ANKIB1: variants seen among roughly 807,000 people sequenced by gnomAD.
The protein encoded by ANKIB1 is ankyrin repeat and IBR domain-containing protein 1.
A neutral mutation model predicts 122.1 loss-of-function variants in ANKIB1; 43 were observed. The ratio of observed to expected loss-of-function variants is 0.35; its 90% CI spans 0.28 to 0.45. The LOEUF (loss-of-function observed/expected upper bound fraction) is 0.45. ANKIB1 is among the 20% of genes least tolerant of loss of function. The probability of loss-of-function intolerance (pLI) is 1.00; values close to 1 mark genes in which losing one functional copy is unlikely to be tolerated. For missense variants in ANKIB1, 992 were observed against 1,329.5 expected (o/e 0.75, Z 3.95); for synonymous variants, 390 against 442.0 (o/e 0.88, Z 1.48).
intron 5 of ANKIB1, among the ~76,000 whole-genome samples, chr7:92,331,902 G>C (rs558842835): frequency 1.3e-5 from 2 of 149,016 alleles, no homozygotes; most frequent in African/African-American, 5.0e-5. Flanking sequence ...TTAAGCTATA[G>C]TATCATATAG....
At chr7:92,309,942 A>AAAAAAAAAAAAAAAAAT (rs1335765681) in intron 3 of ANKIB1, among the ~76,000 whole-genome samples, 2 of 91,816 alleles carry the variant, frequency 2.2e-5, no homozygotes, top group Non-Finnish European at 4.1e-5. Flanking sequence ...AAAAAAAAAA[A>AAAAAAAAAAAAAAAAAT]ATATATATAT....
chr7:92,253,933 C>A (rs924771835), intron 1 of ANKIB1, among the ~76,000 whole-genome samples: 3 of 152,148 alleles, frequency 2.0e-5, no homozygotes, highest in Admixed American at 6.5e-5. Flanking sequence ...GGCCTTGTGA[C>A]TTACTTTGAC....
intron 3 of ANKIB1, among the ~76,000 whole-genome samples, chr7:92,316,695 C>T (rs1162632906): frequency 6.6e-6 from 1 of 152,152 alleles, no homozygotes; most frequent in Non-Finnish European, 1.5e-5. Flanking sequence ...CAGCAGTTAC[C>T]TTCAACGATG....
intron 3 of ANKIB1, among the ~76,000 whole-genome samples, chr7:92,314,713 A>G (rs1213086574): frequency 6.6e-6 from 1 of 152,216 alleles, no homozygotes; most frequent in Non-Finnish European, 1.5e-5. Flanking sequence ...ATTCTTACAC[A>G]GTTTGAAAAC....
At chr7:92,361,690 G>C (rs917647588) in intron 9 of ANKIB1, among the ~76,000 whole-genome samples, 1 of 151,732 alleles carries the variant, frequency 6.6e-6, no homozygotes, top group African/African-American at 2.4e-5. Flanking sequence ...AATAAAACTG[G>C]TCTAATGGTA....
chr7:92,268,994 A>T (rs1047630591), intron 1 of ANKIB1, among the ~76,000 whole-genome samples: 2 of 152,254 alleles, frequency 1.3e-5, no homozygotes, highest in African/African-American at 2.4e-5. Context: ...TCATGAGAAG[A>T]TACTTTTGCA....
intron 10 of ANKIB1, among the ~76,000 whole-genome samples, chr7:92,364,018 A>AT (rs1316485087): frequency 2.0e-5 from 3 of 152,166 alleles, no homozygotes; most frequent in South Asian, 2.1e-4. Context: ...TAGTCAACAG[A>AT]TTTTTTAAGC....
chr7:92,327,255 A>G (rs911522424), intron 4 of ANKIB1, among the ~76,000 whole-genome samples: 1 of 152,234 alleles, frequency 6.6e-6, no homozygotes, highest in African/African-American at 2.4e-5. Flanking sequence ...TGCAGCATGA[A>G]AGAGACTTGT....
chr7:92,315,167 G>A (rs753452313), intron 3 of ANKIB1, among the ~76,000 whole-genome samples: 11 of 152,188 alleles, frequency 7.2e-5, no homozygotes, highest in Non-Finnish European at 1.5e-4. Flanking sequence ...AGATGGGCAT[G>A]ATTTTGAGCC....
intron 1 of ANKIB1, among the ~76,000 whole-genome samples, chr7:92,286,934 G>T (rs1802142787): frequency 6.6e-6 from 1 of 152,126 alleles, no homozygotes; most frequent in Non-Finnish European, 1.5e-5. Context: ...CTACAGTCCT[G>T]GTACAAGAAC....
At chr7:92,336,849 T>C (rs1028344596) in intron 5 of ANKIB1, among the ~76,000 whole-genome samples, 1 of 152,164 alleles carries the variant, frequency 6.6e-6, no homozygotes, top group African/African-American at 2.4e-5. Flanking sequence ...GGTTGCTCTC[T>C]AGTGTCCTCA....
chr7:92,330,739 G>A (rs1029425965), intron 5 of ANKIB1, among the ~76,000 whole-genome samples: 1 of 152,144 alleles, frequency 6.6e-6, no homozygotes, highest in African/African-American at 2.4e-5. Context: ...CTACTTAGGA[G>A]GCTGAGGCAG....
At chr7:92,334,544 ATAAAT>A (rs968329411) in intron 5 of ANKIB1, among the ~76,000 whole-genome samples, 26 of 152,136 alleles carry the variant, frequency 1.7e-4, no homozygotes, top group East Asian at 7.7e-4. Flanking sequence ...AAATAGTAAA[ATAAAT>A]TAAGAGAAGA....
At chr7:92,360,194 G>C (rs1178044131) in intron 9 of ANKIB1, among the ~76,000 whole-genome samples, 1 of 151,872 alleles carries the variant, frequency 6.6e-6, no homozygotes, top group Non-Finnish European at 1.5e-5. Context: ...ATTATCCCAA[G>C]CAGAAACTAT....
chr7:92,252,854 C>T (rs982197669), intron 1 of ANKIB1, among the ~76,000 whole-genome samples: 8 of 151,606 alleles, frequency 5.3e-5, no homozygotes, highest in Middle Eastern at 6.8e-3. Flanking sequence ...AAAGTAGATT[C>T]CAGGGCTAGA....
intron 19 of ANKIB1, 89 bp from the exon 20 acceptor site, chr7:92,398,123 G>A: frequency 1.5e-6 from 2 of 1,338,688 alleles, no homozygotes; most frequent in South Asian, 1.7e-5. Flanking sequence ...TTAATAATCT[G>A]TTGGTAAAGG....
chr7:92,288,476 A>G (rs575604693), intron 1 of ANKIB1, among the ~76,000 whole-genome samples: 2 of 152,220 alleles, frequency 1.3e-5, no homozygotes, highest in Non-Finnish European at 2.9e-5. Context: ...AAAATAGAAC[A>G]CAGTCAATTG....
chr7:92,272,529 G>A (rs1482527140), intron 1 of ANKIB1, among the ~76,000 whole-genome samples: 2 of 152,180 alleles, frequency 1.3e-5, no homozygotes, highest in Non-Finnish European at 2.9e-5. Context: ...TTTAGCCTAA[G>A]ACTGTACAGC....
At chr7:92,254,443 T>C (rs1801395533) in intron 1 of ANKIB1, among the ~76,000 whole-genome samples, 1 of 152,228 alleles carries the variant, frequency 6.6e-6, no homozygotes, top group Non-Finnish European at 1.5e-5. Flanking sequence ...GACACAATTC[T>C]AATTGTCACC....
Sources: gnomAD v4.1 joint callset for allele counts (sites outside exome capture counted in the v4.1 genomes callset) on GRCh38, gnomAD v4.1.1 for gene constraint, MANE v1.5 for transcripts, NCBI Gene and HGNC (gene_info 2026-07-23, HGNC 2026-07-21) for gene names.